Variants in CEP170 observed in about 807,000 individuals in gnomAD.
CEP170 encodes the protein centrosomal protein 170, also known as centrosomal protein of 170 kDa.
A neutral mutation model predicts 151.9 loss-of-function variants in CEP170; 21 were observed. That is an observed-to-expected ratio of 0.14 (90% CI 0.10 to 0.20). The LOEUF is 0.20. Ranked by LOEUF, CEP170 falls within the 10% of genes least tolerant of loss-of-function variation. The pLI, the probability that CEP170 is intolerant of heterozygous loss-of-function variation, is 1.00. For synonymous variants in CEP170, 356 were observed against 648.8 expected (o/e 0.55, Z 6.86); for missense variants, 964 against 1,892.9 (o/e 0.51, Z 9.11).
At chr1:243,230,982 A>C (rs1254307983) in intron 1 of CEP170, among the ~76,000 whole-genome samples, 1 of 152,154 alleles carries the variant, frequency 6.6e-6, no homozygotes, top group Non-Finnish European at 1.5e-5. Context: ...AGAATTTTGA[A>C]AACAGTGACA....
intron 7 of CEP170, among the ~76,000 whole-genome samples, chr1:243,197,095 A>G (rs1269747360): frequency 6.6e-6 from 1 of 152,136 alleles, no homozygotes; most frequent in African/African-American, 2.4e-5. Flanking sequence ...AACAAAGAAA[A>G]TAAAGATCAG....
At chr1:243,199,707 C>A (rs1341263400) in intron 6 of CEP170, among the ~76,000 whole-genome samples, 3 of 151,318 alleles carry the variant, frequency 2.0e-5, no homozygotes, top group Non-Finnish European at 3.0e-5. Flanking sequence ...AAAACTAGTT[C>A]TTAACAGAAC....
chr1:243,156,202 A>G lies in CEP170; in HGVS notation c.3911+19T>C, dbSNP rs541929977. Reference sequence around the variant, plus strand: ...TCATAGAAATTTTGAATTCTTAAAGATAAGTCCTGAAAACCAACCTGGCTA... The same window carrying G: ...TCATAGAAATTTTGAATTCTTAAAGGTAAGTCCTGAAAACCAACCTGGCTA... On this transcript the variant is annotated intron_variant, in intron 14 of 19. Transcript: ENST00000366542. 2.4e-5 allele frequency: 38 copies of G among 1,565,592 alleles called. No individual in the cohort carries two copies. Among genetic ancestry groups the G allele is most frequent in the South Asian group, 1.8e-4 (15 of 84,984 alleles).
At chr1:243,148,549 G>C (rs1198527263) in intron 14 of CEP170, among the ~76,000 whole-genome samples, 1 of 152,100 alleles carries the variant, frequency 6.6e-6, no homozygotes, top group Non-Finnish European at 1.5e-5. Flanking sequence ...ACTTCAGCCT[G>C]GGTGACAGTG....
intron 13 of CEP170, among the ~76,000 whole-genome samples, chr1:243,160,078 T>A (rs2057943720): frequency 6.6e-6 from 1 of 152,172 alleles, no homozygotes; most frequent in African/African-American, 2.4e-5. Flanking sequence ...CATGAGACGC[T>A]GTGCCCAGCC....
Position 243,235,304 on chromosome 1 carries a change from C to G in CEP170, c.-41-9983G>C, listed in dbSNP as rs147069833. Reference sequence around the variant, plus strand: ...AATATCTTTGAGAAACTGACATATGCTTAGAACATATTCAAAAATTCAGCT... The same window carrying G: ...AATATCTTTGAGAAACTGACATATGGTTAGAACATATTCAAAAATTCAGCT... On this transcript the variant is annotated intron_variant, in intron 1 of 19. Transcript: ENST00000366542. Among the ~76,000 whole-genome samples, 1,013 of 152,250 alleles carry G rather than the reference C, an allele frequency of 6.7e-3. 8 individuals carry two copies. The highest frequency in any genetic ancestry group is 0.023 in the African/African-American group (974 of 41,544).
chr1:243,230,293 A>G (rs575247525), intron 1 of CEP170, among the ~76,000 whole-genome samples: 13 of 152,130 alleles, frequency 8.5e-5, no homozygotes, highest in Non-Finnish European at 1.6e-4. Flanking sequence ...AGAGTGAAAC[A>G]CTGCCTCAAA....
rs549673060 is a variant in CEP170, at chr1:243,231,964, C to CT, written c.-41-6644dup. Among the ~76,000 whole-genome samples the CT allele has an allele frequency of 1.1e-4, 17 of 150,848 alleles. No individual in the cohort carries two copies. In the South Asian group the frequency reaches 1.5e-3, roughly 13 times the overall value. On this transcript the variant is annotated intron_variant, in intron 1 of 19. Coordinates refer to ENST00000366542, the MANE Select transcript of CEP170 (RefSeq NM_014812.3). ...ACTGTCTTTTCTTCTTCTTCTTCTT[C>CT]TTTTTTTTTCTTTTTGAGACAAGGT...
intron 4 of CEP170, among the ~76,000 whole-genome samples, chr1:243,206,427 C>T (rs1295445337): frequency 3.3e-5 from 5 of 152,220 alleles, no homozygotes; most frequent in Non-Finnish European, 7.3e-5. Flanking sequence ...GCCACCATGC[C>T]CGGCCAATAT....
chr1:243,127,495 T>C (rs2053842922), intron 19 of CEP170, among the ~76,000 whole-genome samples: 4 of 152,192 alleles, frequency 2.6e-5, no homozygotes, highest in Admixed American at 1.3e-4. Flanking sequence ...TTTAAAAGTA[T>C]ACCCCCAGTC....
intron 1 of CEP170, among the ~76,000 whole-genome samples, chr1:243,246,016 A>G (rs1176766712): frequency 6.6e-6 from 1 of 152,138 alleles, no homozygotes; most frequent in East Asian, 1.9e-4. Flanking sequence ...GAAGGGGTGA[A>G]GAAACACACA....
At chr1:243,191,672 A>T (rs1359310303) in intron 7 of CEP170, among the ~76,000 whole-genome samples, 178 bp from the exon 8 acceptor site, 2 of 152,148 alleles carry the variant, frequency 1.3e-5, no homozygotes, top group Non-Finnish European at 2.9e-5. Context: ...AATCTTGATT[A>T]TAAACATGCG....
chr1:243,197,751 T>TG (rs1358670771), intron 7 of CEP170, among the ~76,000 whole-genome samples: 1 of 151,986 alleles, frequency 6.6e-6, no homozygotes, highest in Non-Finnish European at 1.5e-5. Flanking sequence ...ACAACCCTCA[T>TG]GGGGTTCAGT....
chr1:243,216,309 G>A (rs540241790), intron 3 of CEP170, among the ~76,000 whole-genome samples: 45 of 151,852 alleles, frequency 3.0e-4, no homozygotes, highest in East Asian at 1.2e-3. Flanking sequence ...CCATTAACTC[G>A]TCATTTAGCA....
chr1:243,126,828 T>A, intron 19 of CEP170, 90 bp from the exon 20 acceptor site: 1 of 654,926 alleles, frequency 1.5e-6, no homozygotes, highest in Admixed American at 2.9e-5. Context: ...AAACTATCAG[T>A]GCGTATGTGA....
chr1:243,129,576 C>T lies in CEP170; in HGVS notation c.4320-123G>A, dbSNP rs2054131497. 9 of 814,664 alleles carry T rather than the reference C, an allele frequency of 1.1e-5. No homozygotes were observed. In the East Asian group the frequency reaches 2.4e-4, roughly 21 times the overall value. The allele number at this position is 814,664 out of a possible 1,614,324, so 50.5% of individuals were successfully genotyped here. ...CACAAAGAAAAAAAACCAACCACCG[C>T]ATAAACTGAGAATTAAAATACTAAG... is the stretch of plus-strand genomic sequence containing the variant. On this transcript the variant is annotated intron_variant, in intron 17 of 19. Coordinates refer to ENST00000366542, the MANE Select transcript of CEP170 (RefSeq NM_014812.3).
At chr1:243,131,244 C>A (rs1458427975) in intron 17 of CEP170, among the ~76,000 whole-genome samples, 1 of 152,074 alleles carries the variant, frequency 6.6e-6, no homozygotes, top group African/African-American at 2.4e-5. Flanking sequence ...GTAATCCTAG[C>A]ACTTTAGGAA....
intron 1 of CEP170, among the ~76,000 whole-genome samples, chr1:243,249,998 G>A (rs1161000103): frequency 6.6e-6 from 1 of 152,172 alleles, no homozygotes; most frequent in East Asian, 1.9e-4. Context: ...TTGAATCCAG[G>A]AGGCAGACGT....
At chr1:243,182,087 A>T (rs2059653348) in intron 10 of CEP170, among the ~76,000 whole-genome samples, 1 of 152,056 alleles carries the variant, frequency 6.6e-6, no homozygotes, top group Non-Finnish European at 1.5e-5. Flanking sequence ...GAATATATTA[A>T]TGCTATCTTG....
Sources: allele counts gnomAD v4.1 joint callset (sites outside exome capture counted in the v4.1 genomes callset), GRCh38; gene constraint gnomAD v4.1.1; transcripts MANE v1.5; gene names NCBI Gene and HGNC (gene_info 2026-07-23, HGNC 2026-07-21).